DGKB: variants seen among roughly 807,000 people sequenced by gnomAD.
The protein encoded by DGKB is 90 kDa diacylglycerol kinase.
A neutral mutation model predicts 114.3 loss-of-function variants in DGKB; 67 were observed. The ratio of observed to expected loss-of-function variants is 0.59; its 90% CI spans 0.48 to 0.72. DGKB has a LOEUF of 0.72. Ranked by LOEUF, DGKB falls within the 30% of genes least tolerant of loss-of-function variation. The probability of loss-of-function intolerance (pLI) is 0.00; values close to 1 mark genes in which losing one functional copy is unlikely to be tolerated. For synonymous variants in DGKB, 398 were observed against 323.1 expected, an observed-to-expected ratio of 1.23 and a Z score of -2.49; for missense variants, 907 against 975.2, an observed-to-expected ratio of 0.93 and a Z score of 0.93.
At chr7:14,764,061 C>G (rs1399037378) in intron 2 of DGKB, among the ~76,000 whole-genome samples, 1 of 151,834 alleles carries the variant, frequency 6.6e-6, no homozygotes, top group African/African-American at 2.4e-5. Flanking sequence ...TTCCTCTTAT[C>G]ACAAAAGATA....
At chr7:14,734,563 T>C (rs574820395) in intron 5 of DGKB, among the ~76,000 whole-genome samples, 51 of 152,334 alleles carry the variant, frequency 3.3e-4, no homozygotes, top group African/African-American at 4.8e-4. Flanking sequence ...AACAGAAACA[T>C]AGCACCAGAT....
At chr7:14,863,851 G>A (rs1851329962) in intron 1 of DGKB, among the ~76,000 whole-genome samples, 1 of 151,998 alleles carries the variant, frequency 6.6e-6, no homozygotes, top group African/African-American at 2.4e-5. Flanking sequence ...TCTAATCCTG[G>A]CACTTTGGGA....
intron 23 of DGKB, among the ~76,000 whole-genome samples, chr7:14,188,521 G>T (rs1335576238): frequency 6.9e-6 from 1 of 144,858 alleles, no homozygotes; most frequent in Non-Finnish European, 1.5e-5. Flanking sequence ...TTAGCCGGGC[G>T]TGGTGGCGGG....
intron 17 of DGKB, among the ~76,000 whole-genome samples, chr7:14,586,795 C>T (rs1470386543): frequency 1.3e-5 from 2 of 151,546 alleles, no homozygotes; most frequent in South Asian, 2.1e-4. Context: ...TGAGGGATAT[C>T]GCATTTCTTT....
rs201864663 is a variant in DGKB, at chr7:14,394,572, C to G, written c.1836-49181G>C. ...AAGGGATCCAGTGGCTGTGCATAAC[C>G]TTTTCTAGCTTCAACCCATCGAACA... On this transcript the variant is annotated intron_variant, in intron 21 of 25. Coordinates refer to ENST00000402815, the MANE Select transcript of DGKB (RefSeq NM_001350709.2). Among the ~76,000 whole-genome samples the G allele has an allele frequency of 1.2e-4, 18 of 152,186 alleles. No homozygotes were observed. The East Asian group carries it at 2.5e-3, about 21-fold the overall frequency.
chr7:14,395,410 A>G (rs1334721210), intron 21 of DGKB, among the ~76,000 whole-genome samples: 1 of 152,022 alleles, frequency 6.6e-6, no homozygotes, highest in Admixed American at 6.5e-5. Context: ...TACTTTTTAA[A>G]TAGATAAACC....
chr7:14,848,640 T>C (rs951530632), intron 1 of DGKB, among the ~76,000 whole-genome samples: 1 of 152,218 alleles, frequency 6.6e-6, no homozygotes, highest in Admixed American at 6.5e-5. Context: ...AAGACTGCAA[T>C]TAGCAGTCTG....
chr7:14,503,476 C>A (rs1190932068), intron 20 of DGKB, among the ~76,000 whole-genome samples: 1 of 152,024 alleles, frequency 6.6e-6, no homozygotes, highest in Non-Finnish European at 1.5e-5. Flanking sequence ...TATATTTTGA[C>A]TCATCTTTAC....
intron 20 of DGKB, among the ~76,000 whole-genome samples, chr7:14,545,865 C>T (rs1794200420): frequency 6.6e-6 from 1 of 152,192 alleles, no homozygotes; most frequent in Admixed American, 6.5e-5. Flanking sequence ...ACTTTTATCA[C>T]CTCTTGAAGA....
chr7:14,316,313 A>C (rs562843875), intron 23 of DGKB, among the ~76,000 whole-genome samples: 7,817 of 144,104 alleles, frequency 0.054, 693 homozygotes, highest in African/African-American at 0.2. Flanking sequence ...TAGAGACACA[A>C]AAAACCCTTC....
chr7:14,342,956 T>A (rs2128586459), intron 22 of DGKB, among the ~76,000 whole-genome samples: 1 of 151,982 alleles, frequency 6.6e-6, no homozygotes, highest in African/African-American at 2.4e-5. Context: ...AGTAGTTTAT[T>A]CTGTTATATA....
chr7:14,674,451 C>G (rs570556395), intron 12 of DGKB, among the ~76,000 whole-genome samples: 41 of 152,044 alleles, frequency 2.7e-4, no homozygotes, highest in Admixed American at 1.1e-3. Flanking sequence ...TTTATTGGAC[C>G]TAGTAATTAA....
intron 1 of DGKB, among the ~76,000 whole-genome samples, chr7:14,847,051 G>A (rs1175864843): frequency 6.6e-6 from 1 of 152,158 alleles, no homozygotes; most frequent in African/African-American, 2.4e-5. Context: ...AGGACTTTGG[G>A]AGGCCGAGGC....
intron 1 of DGKB, among the ~76,000 whole-genome samples, chr7:14,867,815 A>G (rs1851899071): frequency 6.6e-6 from 1 of 152,160 alleles, no homozygotes; most frequent in Admixed American, 6.6e-5. Flanking sequence ...AAAAACAATT[A>G]GCATGGATTC....
At chr7:14,381,880 T>C in intron 21 of DGKB, among the ~76,000 whole-genome samples, 1 of 152,210 alleles carries the variant, frequency 6.6e-6, no homozygotes, top group East Asian at 1.9e-4. Context: ...TCAGTTTCCA[T>C]CTGTACTTAA....
chr7:14,958,206 A>G (rs916320576), intron 1 of DGKB, among the ~76,000 whole-genome samples: 1 of 152,034 alleles, frequency 6.6e-6, no homozygotes, highest in African/African-American at 2.4e-5. Flanking sequence ...CTAACAGGTT[A>G]GTTTTTCTAA....
At chr7:14,419,986 G>C (rs1167087632) in intron 21 of DGKB, among the ~76,000 whole-genome samples, 1 of 152,020 alleles carries the variant, frequency 6.6e-6, no homozygotes, top group Non-Finnish European at 1.5e-5. Flanking sequence ...AACTTATACT[G>C]CTGTGCTTTT....
chr7:14,345,245 C>T, intron 22 of DGKB, 56 bp downstream of exon 22: 1 of 1,019,526 alleles, frequency 9.8e-7, no homozygotes, highest in Non-Finnish European at 1.5e-6. Flanking sequence ...AATATACTAA[C>T]AACAAAGCTC....
At chr7:14,627,841 G>A (rs1454430212) in intron 14 of DGKB, among the ~76,000 whole-genome samples, 2 of 151,786 alleles carry the variant, frequency 1.3e-5, no homozygotes, top group Non-Finnish European at 2.9e-5. Flanking sequence ...TACTTTGGCG[G>A]CTGAAGCAGG....
Sources: gnomAD v4.1 joint callset for allele counts (sites outside exome capture counted in the v4.1 genomes callset) on GRCh38, gnomAD v4.1.1 for gene constraint, MANE v1.5 for transcripts, NCBI Gene and HGNC (gene_info 2026-07-23, HGNC 2026-07-21) for gene names.